Variants in SLC14A2 observed in about 807,000 individuals in gnomAD.
SLC14A2 encodes solute carrier family 14 member 2.
Under a neutral mutation model 104.6 loss-of-function variants are expected in SLC14A2, and 91 were observed. The observed-to-expected ratio is 0.87, with a 90% confidence interval of 0.73 to 1.04. The LOEUF (loss-of-function observed/expected upper bound fraction) is 1.04. SLC14A2 is among the 50% of genes least tolerant of loss of function. The pLI, the probability that SLC14A2 is intolerant of heterozygous loss-of-function variation, is 0.00. For missense variants in SLC14A2, 1,189 were observed against 1,156.0 expected (o/e 1.03, Z -0.41); for synonymous variants, 476 against 466.4 (o/e 1.02, Z -0.27).
intron 1 of SLC14A2, among the ~76,000 whole-genome samples, chr18:45,285,039 A>C (rs944501824): frequency 2.6e-5 from 4 of 152,090 alleles, no homozygotes; most frequent in Non-Finnish European, 5.9e-5. Flanking sequence ...ACAAAAAAAA[A>C]AAATTGCAAA....
chr18:45,368,628 G>C (rs2085690915), intron 1 of SLC14A2, among the ~76,000 whole-genome samples: 2 of 152,204 alleles, frequency 1.3e-5, no homozygotes, highest in Non-Finnish European at 2.9e-5. Flanking sequence ...AAATGTCAAA[G>C]CTAGAAAGGT....
intron 1 of SLC14A2, among the ~76,000 whole-genome samples, chr18:45,359,896 T>C (rs149270296): frequency 6.6e-6 from 1 of 152,172 alleles, no homozygotes; most frequent in African/African-American, 2.4e-5. Context: ...CCCTCACCTA[T>C]ATGGTAAAGT....
chr18:45,477,585 C>A (rs900352543), intron 1 of SLC14A2, among the ~76,000 whole-genome samples: 1 of 152,166 alleles, frequency 6.6e-6, no homozygotes, highest in Admixed American at 6.5e-5. Context: ...GCACCCACAG[C>A]CACCCCTTCC....
the SLC14A2 span, among the ~76,000 whole-genome samples, chr18:45,203,416 T>C: frequency 6.6e-6 from 1 of 152,224 alleles, no homozygotes; most frequent in South Asian, 2.1e-4. Context: ...TCTTTAATGT[T>C]GTTTCTTCTT....
intron 10 of SLC14A2, among the ~76,000 whole-genome samples, chr18:45,661,908 C>T (rs7226686): frequency 0.79 from 120,913 of 152,208 alleles, 48,553 homozygotes; most frequent in Middle Eastern, 0.84. Flanking sequence ...TTGGGAGTTA[C>T]AGCTCAACAC....
chr18:45,511,936 G>C (rs1308961215), intron 2 of SLC14A2, among the ~76,000 whole-genome samples: 1 of 152,198 alleles, frequency 6.6e-6, no homozygotes, highest in Non-Finnish European at 1.5e-5. Context: ...AGGAGGAGCA[G>C]TGTTTGAAGA....
At chr18:45,632,266 T>G in intron 4 of SLC14A2, 84 bp from the exon 5 acceptor site, 1 of 1,500,412 alleles carries the variant, frequency 6.7e-7, no homozygotes, top group Non-Finnish European at 9.0e-7. Context: ...TCATCTAAAT[T>G]AAGCATATCC....
At chr18:45,680,940 G>A (rs1018707611) in intron 19 of SLC14A2, among the ~76,000 whole-genome samples, 10 of 152,106 alleles carry the variant, frequency 6.6e-5, no homozygotes, top group African/African-American at 2.4e-4. Context: ...TACAGACCCA[G>A]CTCTGGTAGC....
intron 1 of SLC14A2, among the ~76,000 whole-genome samples, chr18:45,237,182 G>A (rs7227047): frequency 0.32 from 48,939 of 151,962 alleles, 8,521 homozygotes; most frequent in African/African-American, 0.47. Flanking sequence ...ACTGGGGCTC[G>A]CCAATAAACA....
At chr18:45,607,280 C>G (rs1299774722) in intron 2 of SLC14A2, among the ~76,000 whole-genome samples, 1 of 152,126 alleles carries the variant, frequency 6.6e-6, no homozygotes, top group Non-Finnish European at 1.5e-5. Context: ...TAAGACTCAA[C>G]CAATAGGAAA....
At chr18:45,560,252 C>T (rs1352575086) in intron 2 of SLC14A2, among the ~76,000 whole-genome samples, 1 of 152,154 alleles carries the variant, frequency 6.6e-6, no homozygotes, top group Non-Finnish European at 1.5e-5. Context: ...TGTATTATCT[C>T]TTTTCTAAAA....
intron 1 of SLC14A2, among the ~76,000 whole-genome samples, chr18:45,334,712 G>C (rs1464237872): frequency 6.6e-6 from 1 of 152,198 alleles, no homozygotes; most frequent in Non-Finnish European, 1.5e-5. Context: ...GTGTCCTGGA[G>C]TTGTCCTGAG....
At chr18:45,408,497 T>C (rs1477638299) in intron 1 of SLC14A2, among the ~76,000 whole-genome samples, 1 of 152,212 alleles carries the variant, frequency 6.6e-6, no homozygotes, top group Non-Finnish European at 1.5e-5. Context: ...TGTGTCTGAA[T>C]GACAGCAATT....
intron 1 of SLC14A2, among the ~76,000 whole-genome samples, chr18:45,391,399 T>A (rs1487007332): frequency 6.6e-6 from 1 of 152,234 alleles, no homozygotes; most frequent in Non-Finnish European, 1.5e-5. Context: ...TATGCATGTG[T>A]CTTTAAAGCA....
chr18:45,386,613 A>G (rs1188627843), intron 1 of SLC14A2, among the ~76,000 whole-genome samples: 1 of 152,194 alleles, frequency 6.6e-6, no homozygotes, highest in Admixed American at 6.5e-5. Context: ...GAGTCCTGCT[A>G]ACACATAGCG....
intron 1 of SLC14A2, among the ~76,000 whole-genome samples, chr18:45,240,680 C>T (rs541508399): frequency 4.7e-5 from 7 of 147,992 alleles, no homozygotes; most frequent in Admixed American, 2.0e-4. Flanking sequence ...CTTTTTGAGA[C>T]GGAGTCTTGT....
chr18:45,285,275 G>A (rs966202205), intron 1 of SLC14A2, among the ~76,000 whole-genome samples: 2 of 152,064 alleles, frequency 1.3e-5, no homozygotes, highest in African/African-American at 4.8e-5. Context: ...CTTATTTTTT[G>A]ATATAAAAAA....
At chr18:45,680,149 T>C (rs1022367281) in intron 19 of SLC14A2, among the ~76,000 whole-genome samples, 2 of 152,226 alleles carry the variant, frequency 1.3e-5, no homozygotes, top group Admixed American at 6.5e-5. Context: ...GTATTGGCTC[T>C]GAGGCTCCCT....
intron 1 of SLC14A2, among the ~76,000 whole-genome samples, chr18:45,271,122 T>C (rs998996638): frequency 6.6e-6 from 1 of 152,130 alleles, no homozygotes; most frequent in Non-Finnish European, 1.5e-5. Context: ...ATAAAGAACA[T>C]TGGTGATGCA....
Sources: allele counts gnomAD v4.1 joint callset (sites outside exome capture counted in the v4.1 genomes callset), GRCh38; gene constraint gnomAD v4.1.1; transcripts MANE v1.5; gene names NCBI Gene and HGNC (gene_info 2026-07-23, HGNC 2026-07-21).